Variants in LYST observed in about 807,000 individuals in gnomAD.
LYST encodes the protein lysosomal-trafficking regulator.
LYST carries 192 observed loss-of-function variants against 413.6 expected under a neutral mutation model. That is an observed-to-expected ratio of 0.46 (90% CI 0.41 to 0.52). LYST has a LOEUF of 0.52. Among genes scored for constraint, LYST ranks in the 20% least tolerant of loss-of-function variants. The pLI is 0.00. For synonymous variants in LYST, 1,525 were observed against 1,567.3 expected, an observed-to-expected ratio of 0.97 and a Z score of 0.64; for missense variants, 3,815 against 4,499.9, an observed-to-expected ratio of 0.85 and a Z score of 4.35.
intron 48 of LYST, among the ~76,000 whole-genome samples, chr1:235,681,709 T>C (rs1168796035): frequency 2.6e-5 from 4 of 152,158 alleles, no homozygotes; most frequent in Admixed American, 2.6e-4. Flanking sequence ...TAGGTTTTAA[T>C]TGTAGGAAAA....
chr1:235,869,366 AG>A (rs1217093271), upstream of LYST, among the ~76,000 whole-genome samples: 4 of 152,222 alleles, frequency 2.6e-5, no homozygotes, highest in South Asian at 4.1e-4. Flanking sequence ...CAGCTAATCG[AG>A]AGGCTGAGGC....
At chr1:235,839,773 C>T (rs1677007386) in intron 1 of LYST, 1 of 151,168 alleles carries the variant, frequency 6.6e-6, no homozygotes, top group Admixed American at 6.6e-5. Flanking sequence ...CCACTACACA[C>T]CAGCCTGGGC....
Position 235,812,953 on chromosome 1 carries a change from TA to T in LYST, c.283+17del. ...AATTTTGATAACACAAGTGATATGATAAAGGGAAAAAGCATACCTGTTGCCT... is the reference window on the plus strand; with the variant it reads ...AATTTTGATAACACAAGTGATATGATAAGGGAAAAAGCATACCTGTTGCCT... On this transcript the variant is annotated intron_variant, in intron 4 of 52. Transcript: ENST00000389793. 6.6e-7 allele frequency: 1 copy of T among 1,518,700 alleles called. No individual in the cohort carries two copies. The highest frequency in any genetic ancestry group is 9.1e-7 in the Non-Finnish European group (1 of 1,093,654). The allele number at this position is 1,518,700 out of a possible 1,614,324, so 94.1% of individuals were successfully genotyped here.
Position 235,663,097 on chromosome 1 carries a change from TC to T in LYST, c.11268-20del. On this transcript the variant is annotated intron_variant, in intron 52 of 52. Transcript: ENST00000389793. ...TGTAAGGCTGTAAAAAAAAAAAAAT[TC>T]CCATTTGTACATTATATTTCTTAAA... 1 of 1,406,208 alleles carries T rather than the reference TC, an allele frequency of 7.1e-7. No homozygotes were observed. The highest frequency in any genetic ancestry group is 1.0e-6 in the Non-Finnish European group (1 of 991,270). 87.1% of individuals were successfully genotyped at this position (1,406,208 alleles called of 1,614,324 possible). A position where few individuals can be genotyped will look rare whatever the true frequency, so the allele number is the denominator to read the frequency against.
At position 235,788,864 on chromosome 1, in the gene LYST, A is replaced by G. The variant is rs529757583; in HGVS notation, c.4544-19T>C. On this transcript the variant is annotated intron_variant, in intron 12 of 52. Transcript: ENST00000389793. ...TCGCTCTCTATAAGAAAAAGATGTT[A>G]GAATGATCAGTAAAATGGTTCGTAA... The G allele has an allele frequency of 1.9e-6, 3 of 1,611,568 alleles. No individual in the cohort carries two copies. The East Asian group carries it at 6.7e-5, about 36-fold the overall frequency.
chr1:235,718,268 A>C (rs1663029589), intron 40 of LYST, among the ~76,000 whole-genome samples: 1 of 152,108 alleles, frequency 6.6e-6, no homozygotes, highest in Admixed American at 6.5e-5. Flanking sequence ...GCAAACAATA[A>C]ACTAAAAATC....
At chr1:235,762,675 A>G (rs752386617) in intron 22 of LYST, 45 bp downstream of exon 22, 3 of 1,581,200 alleles carry the variant, frequency 1.9e-6, no homozygotes, top group African/African-American at 2.7e-5. Flanking sequence ...AAGAATATTC[A>G]GAACTAAAAT....
chr1:235,753,175 G>A lies in LYST; in HGVS notation c.7329C>T (p.Leu2443=), dbSNP rs1400774922. The A allele has an allele frequency of 6.2e-7, 1 of 1,607,316 alleles. No individual in the cohort carries two copies. Among genetic ancestry groups the A allele is most frequent in the Admixed American group, 1.7e-5 (1 of 59,990 alleles). Residue 2443 remains leucine, a synonymous_variant, in exon 26 of 53, where the codon CTC becomes CTT. Transcript: ENST00000389793. ...LIETSLYDNI[L]LHNALLLLLQ... ...GAAGAAGTAAAAGAGCATTATGCAAGAGTATGTTGTCATATAGAGAGGTCT... is the reference window on the plus strand; with the variant it reads ...GAAGAAGTAAAAGAGCATTATGCAAAAGTATGTTGTCATATAGAGAGGTCT...
At position 235,800,859 on chromosome 1, in the gene LYST, T is replaced by C; in HGVS notation, c.3939+12A>G. On this transcript the variant is annotated intron_variant, in intron 9 of 52. Transcript: ENST00000389793. ...TAAATATTGATCACATTTAACTAAA[T>C]GAATTTTTTACCTGTTGCATGAGCA... The C allele has an allele frequency of 6.4e-7, 1 of 1,563,078 alleles. No individual in the cohort carries two copies. Among genetic ancestry groups the C allele is most frequent in the Non-Finnish European group, 8.8e-7 (1 of 1,135,444 alleles).
rs1464233370 is a variant in LYST at position 235,720,493 on chromosome 1, C to CA, written c.9560+167dup. 2.6e-5 allele frequency among the ~76,000 whole-genome samples: 4 copies of CA among 152,196 alleles called. No homozygotes were observed. In the South Asian group the frequency reaches 6.2e-4, roughly 24 times the overall value. Reference sequence around the variant, plus strand: ...GAAAAAAAAGTTAATGTAAGTTTGGCAAAAATCTTCATAATTCACAATTGT... The same window carrying CA: ...GAAAAAAAAGTTAATGTAAGTTTGGCAAAAAATCTTCATAATTCACAATTGT... On this transcript the variant is annotated intron_variant, in intron 40 of 52. Transcript: ENST00000389793.
intron 1 of LYST, among the ~76,000 whole-genome samples, chr1:235,876,370 A>G (rs1016713193): frequency 4.6e-5 from 7 of 152,246 alleles, no homozygotes; most frequent in African/African-American, 7.2e-5. Flanking sequence ...TTTAAAAAAA[A>G]TGGTTTGTCT....
At chr1:235,862,736 C>T (rs903884084) in intron 1 of LYST, among the ~76,000 whole-genome samples, 2 of 151,634 alleles carry the variant, frequency 1.3e-5, no homozygotes, top group African/African-American at 4.8e-5. Flanking sequence ...CCGGAGTTTG[C>T]AGTAAGCTGA....
chr1:235,822,128 G>A (rs1435478163), intron 3 of LYST, among the ~76,000 whole-genome samples: 1 of 152,192 alleles, frequency 6.6e-6, no homozygotes, highest in Admixed American at 6.5e-5. Flanking sequence ...GATAGAGACA[G>A]CTCAAAATGA....
At chr1:235,742,693 G>A (rs1051797846) in intron 30 of LYST, among the ~76,000 whole-genome samples, 1 of 150,852 alleles carries the variant, frequency 6.6e-6, no homozygotes, top group Non-Finnish European at 1.5e-5. Context: ...AAGCATCAAA[G>A]AACAATGATA....
chr1:235,719,110 C>G (rs1002349140), intron 40 of LYST, among the ~76,000 whole-genome samples: 2 of 152,142 alleles, frequency 1.3e-5, no homozygotes, highest in Non-Finnish European at 2.9e-5. Context: ...CCTCCCCATC[C>G]CAGGTTCAAG....
chr1:235,806,561 G>A lies in LYST; in HGVS notation c.2575C>T (p.His859Tyr). ...GAATCTGAATAAGCTTGCTGATGAT[G>A]AAAAGAAGTACCCACATGTACAGAG... is the stretch of plus-strand genomic sequence containing the variant. Reference protein sequence around the residue: ...LSSVHVGTSFHHQQAYSDSPQ... With the variant: ...LSSVHVGTSFYHQQAYSDSPQ... The change falls in exon 6 of 53, where the codon CAT (histidine) becomes TAT (tyrosine). Residue 859 changes from histidine (H) to tyrosine (Y), a missense_variant. His to Tyr is a moderately conservative substitution (Grantham distance 83, BLOSUM62 2). Around this residue, in one of 4 missense-constraint regions of LYST, gnomAD observed 1,648 missense variants for 1,810.3 expected, o/e 0.91. Transcript: ENST00000389793. 1.2e-6 allele frequency: 2 copies of A among 1,614,024 alleles called. No homozygotes were observed. The highest frequency in any genetic ancestry group is 1.7e-6 in the Non-Finnish European group (2 of 1,179,932).
chr1:235,694,231 T>G (rs12068344), intron 46 of LYST, among the ~76,000 whole-genome samples: 7,748 of 151,942 alleles, frequency 0.051, 623 homozygotes, highest in African/African-American at 0.17. Context: ...GCCAGGCTGG[T>G]CTCGAACTCC....
In LYST at chr1:235,801,423, C is replaced by CG. The variant is rs1553303209; in HGVS notation, c.3713-327_3713-326insC. Among the ~76,000 whole-genome samples the CG allele has an allele frequency of 8.8e-3, 1,338 of 151,568 alleles. 20 individuals are homozygous for CG. The highest frequency in any genetic ancestry group is 0.03 in the African/African-American group (1,252 of 41,270). Reference sequence around the variant, plus strand: ...CCTATTCAAACTTTCTGACCCCCCCCTCAAATACCTAAATCACAGAGCAGT... The same window carrying CG: ...CCTATTCAAACTTTCTGACCCCCCCCGTCAAATACCTAAATCACAGAGCAGT... On this transcript the variant is annotated intron_variant, in intron 8 of 52. Coordinates refer to ENST00000389793, the MANE Select transcript of LYST (RefSeq NM_000081.4).
chr1:235,860,130 A>G (rs1041829630), intron 1 of LYST, among the ~76,000 whole-genome samples: 2 of 152,106 alleles, frequency 1.3e-5, no homozygotes, highest in African/African-American at 4.8e-5. Context: ...TAAATGTAAA[A>G]TATGCAATTC....
Sources: allele counts gnomAD v4.1 joint callset (sites outside exome capture counted in the v4.1 genomes callset), GRCh38; gene constraint gnomAD v4.1.1; regional missense constraint gnomAD v4.1.1; transcripts MANE v1.5; gene names NCBI Gene and HGNC (gene_info 2026-07-23, HGNC 2026-07-21).